The following L3MBTL4 variants were observed in gnomAD, a reference collection of about 807,000 sequenced individuals.
The protein encoded by L3MBTL4 is L3MBTL histone methyl-lysine binding protein 4.
A neutral mutation model predicts 84.5 loss-of-function variants in L3MBTL4; 70 were observed. The ratio of observed to expected loss-of-function variants is 0.83; its 90% CI spans 0.68 to 1.01. The LOEUF (loss-of-function observed/expected upper bound fraction) is 1.01, where lower values mean the gene tolerates loss of function less well. Ranked by LOEUF, L3MBTL4 falls within the 50% of genes least tolerant of loss-of-function variation. The pLI is 0.00. For synonymous variants in L3MBTL4, 274 were observed against 259.8 expected (o/e 1.05, Z -0.52); for missense variants, 715 against 754.8 (o/e 0.95, Z 0.62).
At chr18:6,107,987 C>T (rs982373243) in intron 14 of L3MBTL4, among the ~76,000 whole-genome samples, 2 of 152,182 alleles carry the variant, frequency 1.3e-5, no homozygotes, top group Non-Finnish European at 2.9e-5. Context: ...CCCCAAAAAT[C>T]GCGTGCCATG....
At chr18:6,319,952 G>C (rs2051315703) in intron 1 of L3MBTL4, among the ~76,000 whole-genome samples, 1 of 152,044 alleles carries the variant, frequency 6.6e-6, no homozygotes, top group Non-Finnish European at 1.5e-5. Context: ...CCATGAACAA[G>C]TGGGTTTTAT....
chr18:6,043,799 T>C (rs142245686), intron 16 of L3MBTL4, among the ~76,000 whole-genome samples: 1 of 152,324 alleles, frequency 6.6e-6, no homozygotes, highest in Non-Finnish European at 1.5e-5. Flanking sequence ...CTCCAATACT[T>C]GTGCTCTTAA....
intron 1 of L3MBTL4, chr18:6,367,364 G>C (rs1393100411): frequency 6.6e-6 from 1 of 152,238 alleles, no homozygotes; most frequent in African/African-American, 2.4e-5. Context: ...AAGCTACTTA[G>C]CCAGTGTGTC....
intron 16 of L3MBTL4, among the ~76,000 whole-genome samples, chr18:6,071,147 T>C (rs1038623203): frequency 3.3e-5 from 5 of 152,048 alleles, no homozygotes; most frequent in African/African-American, 1.2e-4. Context: ...TCCCAGCACT[T>C]TGGGAGGCCA....
At chr18:6,334,562 T>C (rs1050068400) in intron 1 of L3MBTL4, among the ~76,000 whole-genome samples, 1 of 152,332 alleles carries the variant, frequency 6.6e-6, no homozygotes, top group Non-Finnish European at 1.5e-5. Flanking sequence ...AAAAGGAACA[T>C]ACATTCCTCA....
intron 16 of L3MBTL4, among the ~76,000 whole-genome samples, chr18:6,025,792 T>C (rs2055474322): frequency 6.6e-6 from 1 of 152,176 alleles, no homozygotes; most frequent in Non-Finnish European, 1.5e-5. Context: ...GGGTTCACGC[T>C]CCTATGAGAA....
At chr18:5,971,213 G>T (rs1441259002) in intron 16 of L3MBTL4, among the ~76,000 whole-genome samples, 2 of 152,216 alleles carry the variant, frequency 1.3e-5, no homozygotes, top group Admixed American at 6.5e-5. Context: ...AAGTTGTCAG[G>T]CTGGACAAGG....
chr18:6,338,743 T>C (rs1163507891), intron 1 of L3MBTL4, among the ~76,000 whole-genome samples: 1 of 152,004 alleles, frequency 6.6e-6, no homozygotes, highest in Non-Finnish European at 1.5e-5. Flanking sequence ...CTTGTTTACC[T>C]ACAGGACAAA....
chr18:6,107,379 G>A (rs1319292516), intron 14 of L3MBTL4, among the ~76,000 whole-genome samples: 6 of 152,108 alleles, frequency 3.9e-5, no homozygotes, highest in East Asian at 3.9e-4. Context: ...GTTGGCTCTC[G>A]AATTGGGAAA....
intron 1 of L3MBTL4, among the ~76,000 whole-genome samples, chr18:6,315,789 G>C (rs2051062284): frequency 6.6e-6 from 1 of 152,202 alleles, no homozygotes; most frequent in Admixed American, 6.5e-5. Flanking sequence ...TGTCTGCATA[G>C]TGGCTTCATA....
intron 16 of L3MBTL4, among the ~76,000 whole-genome samples, chr18:6,051,744 G>A (rs2056849411): frequency 6.6e-6 from 1 of 152,186 alleles, no homozygotes; most frequent in Non-Finnish European, 1.5e-5. Context: ...AGGAGGTGGT[G>A]CCTGTGCTAA....
chr18:6,029,768 G>A (rs2055691788), intron 16 of L3MBTL4: 9 of 985,168 alleles, frequency 9.1e-6, no homozygotes, highest in Non-Finnish European at 1.1e-5. Context: ...ATGGAAAAAA[G>A]TTGTACCAGA....
In L3MBTL4 at chr18:6,239,653, T is replaced by TCG; in HGVS notation, c.707+64_707+65insCG. 3.9e-6 allele frequency: 6 copies of TCG among 1,546,528 alleles called. No homozygotes were observed. The Admixed American group carries it at 1.0e-4, about 26-fold the overall frequency. On this transcript the variant is annotated intron_variant, in intron 9 of 18. Transcript: ENST00000317931. Reference sequence around the variant, plus strand: ...AGCAAAAACAGCAACAGTGCTAGAATGAAAACAAATTCTTAACATCAAACA... The same window carrying TCG: ...AGCAAAAACAGCAACAGTGCTAGAATCGGAAAACAAATTCTTAACATCAAACA...
intron 16 of L3MBTL4, among the ~76,000 whole-genome samples, chr18:6,072,885 T>TAAAAAAAA (rs1568069890): frequency 3.4e-4 from 3 of 8,920 alleles, no homozygotes; most frequent in Non-Finnish European, 4.9e-4. Context: ...AAAAAAAATA[T>TAAAAAAAA]ATATATATAT....
At chr18:6,299,744 A>G (rs2146807896) in intron 4 of L3MBTL4, among the ~76,000 whole-genome samples, 1 of 152,304 alleles carries the variant, frequency 6.6e-6, no homozygotes. Context: ...ATCTTGGCTC[A>G]CTACAGCCTC....
At chr18:5,986,795 C>CTG (rs770537370) in intron 16 of L3MBTL4, among the ~76,000 whole-genome samples, 1 of 152,236 alleles carries the variant, frequency 6.6e-6, no homozygotes, top group Non-Finnish European at 1.5e-5. Flanking sequence ...TCCAACTACA[C>CTG]TGTGCCTTTG....
chr18:5,960,215 G>A (rs935089145), intron 17 of L3MBTL4, 59 bp from the exon 18 acceptor site: 3 of 1,005,004 alleles, frequency 3.0e-6, no homozygotes, highest in African/African-American at 3.3e-5. Flanking sequence ...TTTGGGGGTT[G>A]CAGTAATCCA....
At chr18:6,250,134 CA>C (rs2047860046) in intron 5 of L3MBTL4, among the ~76,000 whole-genome samples, 1 of 152,126 alleles carries the variant, frequency 6.6e-6, no homozygotes, top group South Asian at 2.1e-4. Context: ...CAAAAAGCCA[CA>C]AAATAACATT....
Position 6,160,778 on chromosome 18 carries a change from A to G in L3MBTL4, c.1096+11050T>C, listed in dbSNP as rs1333629039. Among the ~76,000 whole-genome samples the G allele has an allele frequency of 3.9e-5, 6 of 152,032 alleles. No homozygotes were observed. In the South Asian group the frequency reaches 1.2e-3, roughly 32 times the overall value. ...ACGGAGTTAATCAGAGCAGAAAGGA[A>G]ATGGACATCCAAGTCTTCCTAACTC... is the stretch of plus-strand genomic sequence containing the variant. On this transcript the variant is annotated intron_variant, in intron 13 of 18. Coordinates refer to ENST00000317931, the MANE Select transcript of L3MBTL4 (RefSeq NM_001330559.2).
Sources: allele counts gnomAD v4.1 joint callset (sites outside exome capture counted in the v4.1 genomes callset), GRCh38; gene constraint gnomAD v4.1.1; transcripts MANE v1.5; gene names NCBI Gene and HGNC (gene_info 2026-07-23, HGNC 2026-07-21).